Variants in ZC3H13 observed in about 807,000 individuals in gnomAD.
The protein encoded by ZC3H13 is zinc finger CCCH-type containing 13, also known as zinc finger CCCH domain-containing protein 13.
Under a neutral mutation model 204.1 loss-of-function variants are expected in ZC3H13, and 64 were observed. That is an observed-to-expected ratio of 0.31 (90% CI 0.26 to 0.39). The LOEUF (loss-of-function observed/expected upper bound fraction) is 0.39. Ranked by LOEUF, ZC3H13 falls within the 10% of genes least tolerant of loss-of-function variation. ZC3H13 has a pLI of 1.00. For synonymous variants in ZC3H13, 667 were observed against 693.7 expected, an observed-to-expected ratio of 0.96 and a Z score of 0.60; for missense variants, 1,833 against 2,082.7, an observed-to-expected ratio of 0.88 and a Z score of 2.33.
chr13:45,992,444 T>C (rs1278747119), intron 8 of ZC3H13, among the ~76,000 whole-genome samples: 2 of 152,236 alleles, frequency 1.3e-5, no homozygotes, highest in Admixed American at 6.5e-5. Flanking sequence ...ACTTAATCTT[T>C]ATGACAATCT....
At chr13:45,986,256 GTATAACATTCATGTGTGC>G (rs1216967961) in intron 9 of ZC3H13, among the ~76,000 whole-genome samples, 3 of 152,062 alleles carry the variant, frequency 2.0e-5, no homozygotes, top group Non-Finnish European at 4.4e-5. Flanking sequence ...CTGTTTAATG[GTATAACATTCATGTGTGC>G]AAGTCTTTAA....
intron 4 of ZC3H13, among the ~76,000 whole-genome samples, chr13:46,029,462 T>C (rs1157745343): frequency 6.8e-6 from 1 of 147,074 alleles, no homozygotes; most frequent in East Asian, 2.0e-4. Flanking sequence ...GGAGTCTCGC[T>C]CTGTCGCCCA....
intron 5 of ZC3H13, among the ~76,000 whole-genome samples, chr13:46,012,396 C>T (rs920675093): frequency 1.2e-4 from 19 of 152,080 alleles, no homozygotes; most frequent in Non-Finnish European, 4.4e-5. Context: ...AACTGAGGTG[C>T]CTTCTCAAGA....
At position 46,034,634 on chromosome 13, in the gene ZC3H13, A is replaced by G. The variant is rs1018411607; in HGVS notation, c.339+7530T>C. Among the ~76,000 whole-genome samples, 10 of 152,264 alleles carry G rather than the reference A, an allele frequency of 6.6e-5. No individual in the cohort carries two copies. In the South Asian group the frequency reaches 1.4e-3, roughly 22 times the overall value. ...ATGAAGATATGTTTTCGGTTGACAG[A>G]TATGTTCTGTATCTTGATTGTGGTG... On this transcript the variant is annotated intron_variant, in intron 4 of 18. Coordinates refer to ENST00000679008, the MANE Select transcript of ZC3H13 (RefSeq NM_001330564.2).
intron 4 of ZC3H13, among the ~76,000 whole-genome samples, chr13:46,025,317 A>T (rs994464857): frequency 3.3e-5 from 5 of 152,048 alleles, no homozygotes; most frequent in African/African-American, 1.2e-4. Flanking sequence ...CTATCGATCT[A>T]TCTACTTGAG....
chr13:45,995,587 A>G (rs2040274111), intron 8 of ZC3H13, among the ~76,000 whole-genome samples: 1 of 152,192 alleles, frequency 6.6e-6, no homozygotes, highest in Admixed American at 6.5e-5. Context: ...CACACCCCAC[A>G]TTATTCTACT....
rs528749220 is a variant in ZC3H13 at position 46,012,520 on chromosome 13, T to C, written c.449-966A>G. On this transcript the variant is annotated intron_variant, in intron 5 of 18. Coordinates refer to ENST00000679008, the MANE Select transcript of ZC3H13 (RefSeq NM_001330564.2). ...CTTGACTGCTTAAAACCCAAGAAAA[T>C]GAACATCACTGTTATATATTGCTCA... 3.9e-5 allele frequency among the ~76,000 whole-genome samples: 6 copies of C among 152,192 alleles called. No individual in the cohort carries two copies. In the East Asian group the frequency reaches 1.2e-3, roughly 29 times the overall value.
chr13:45,965,557 G>A, intron 15 of ZC3H13, 125 bp from the exon 16 acceptor site: 1 of 824,150 alleles, frequency 1.2e-6, no homozygotes, highest in Non-Finnish European at 1.7e-6. Context: ...TCAGAAAACT[G>A]TATCTCTTAA....
intron 7 of ZC3H13, among the ~76,000 whole-genome samples, chr13:46,006,483 A>T (rs1379875630): frequency 6.6e-6 from 1 of 151,668 alleles, no homozygotes; most frequent in Non-Finnish European, 1.5e-5. Flanking sequence ...TTATAATTTA[A>T]GTTTGTTCCT....
intron 10 of ZC3H13, among the ~76,000 whole-genome samples, chr13:45,982,748 G>C (rs189118729): frequency 2.4e-4 from 36 of 152,170 alleles, no homozygotes; most frequent in Admixed American, 2.4e-3. Flanking sequence ...TGTTATGTCA[G>C]CTCTCAAAAA....
At position 45,990,329 on chromosome 13, in the gene ZC3H13, C is replaced by T. The variant is rs1566224368; in HGVS notation, c.945-1232G>A. Among the ~76,000 whole-genome samples the T allele has an allele frequency of 2.6e-5, 4 of 152,090 alleles. No individual in the cohort carries two copies. In the South Asian group the frequency reaches 8.3e-4, roughly 32 times the overall value. On this transcript the variant is annotated intron_variant, in intron 8 of 18. Transcript: ENST00000679008. ...TAAACTATGTTGTTTATAAATGATG[C>T]CTTAGTAAACCTTTTATCAAAAAAA...
At chr13:45,964,127 A>G in intron 16 of ZC3H13, 85 bp from the exon 17 acceptor site, 2 of 1,308,678 alleles carry the variant, frequency 1.5e-6, no homozygotes, top group Non-Finnish European at 2.1e-6. Context: ...TAAATCAAGG[A>G]GAAAACAGAA....
rs947914521 is a variant in ZC3H13 at position 45,975,229 on chromosome 13, T to C, written c.2468+54A>G. 3.9e-6 allele frequency: 6 copies of C among 1,555,402 alleles called. No individual in the cohort carries two copies. The Admixed American group carries it at 9.7e-5, about 25-fold the overall frequency. ...ATATTGAAAAGCATTAAATGAAACT[T>C]TGAATTCTTTCCTGAAATGTAAAAT... On this transcript the variant is annotated intron_variant, in intron 12 of 18. Coordinates refer to ENST00000679008, the MANE Select transcript of ZC3H13 (RefSeq NM_001330564.2).
chr13:46,019,278 C>T (rs536419077), intron 5 of ZC3H13, among the ~76,000 whole-genome samples: 2 of 152,236 alleles, frequency 1.3e-5, no homozygotes, highest in East Asian at 3.9e-4. Flanking sequence ...AAAGACTCGA[C>T]TTGGCCACTG....
intron 5 of ZC3H13, among the ~76,000 whole-genome samples, chr13:46,018,882 G>C (rs541669017): frequency 6.6e-6 from 1 of 151,994 alleles, no homozygotes; most frequent in Non-Finnish European, 1.5e-5. Flanking sequence ...AGGATGCTTG[G>C]GTGTGTTAAA....
chr13:45,991,004 T>C (rs2039932545), intron 8 of ZC3H13, among the ~76,000 whole-genome samples: 1 of 152,162 alleles, frequency 6.6e-6, no homozygotes, highest in Non-Finnish European at 1.5e-5. Flanking sequence ...GAGGTCTCAC[T>C]ATACCCCGGT....
At chr13:46,008,423 G>A (rs1045510159) in intron 7 of ZC3H13, among the ~76,000 whole-genome samples, 12 of 151,378 alleles carry the variant, frequency 7.9e-5, no homozygotes, top group Admixed American at 2.0e-4. Flanking sequence ...TTAAATTAAC[G>A]GTGCATCGTA....
chr13:46,042,065 A>G (rs2043625393), intron 4 of ZC3H13, 99 bp downstream of exon 4: 1 of 912,800 alleles, frequency 1.1e-6, no homozygotes, highest in Non-Finnish European at 1.8e-6. Context: ...ATGCCGTATT[A>G]CACATTTACC....
chr13:45,977,541 C>T (rs966735351), intron 11 of ZC3H13, among the ~76,000 whole-genome samples: 1 of 152,158 alleles, frequency 6.6e-6, no homozygotes, highest in Non-Finnish European at 1.5e-5. Context: ...AGATGTGCTT[C>T]TACTTACATA....
Sources: gnomAD v4.1 joint callset for allele counts (sites outside exome capture counted in the v4.1 genomes callset) on GRCh38, gnomAD v4.1.1 for gene constraint, MANE v1.5 for transcripts, NCBI Gene and HGNC (gene_info 2026-07-23, HGNC 2026-07-21) for gene names.